Variants in LRP1B observed in about 807,000 individuals in gnomAD.
LRP1B encodes low-density lipoprotein receptor-related protein 1B.
LRP1B carries 217 observed loss-of-function variants against 556.6 expected under a neutral mutation model. That is an observed-to-expected ratio of 0.39 (90% confidence interval 0.35 to 0.44). The LOEUF (loss-of-function observed/expected upper bound fraction) is 0.44. LRP1B is among the 20% of genes least tolerant of loss of function. The pLI is 1.00. For synonymous variants in LRP1B, 2,047 were observed against 1,865.8 expected (o/e 1.10, Z -2.50); for missense variants, 5,053 against 5,620.8 (o/e 0.90, Z 3.23).
intron 1 of LRP1B, among the ~76,000 whole-genome samples, chr2:141,933,752 A>G (rs1334711929): frequency 2.0e-5 from 3 of 152,174 alleles, no homozygotes; most frequent in Non-Finnish European, 4.4e-5. Flanking sequence ...CAAGCTAACA[A>G]TTTACTTTAA....
intron 2 of LRP1B, among the ~76,000 whole-genome samples, chr2:141,624,597 C>G (rs1358700484): frequency 6.6e-6 from 1 of 152,048 alleles, no homozygotes; most frequent in Non-Finnish European, 1.5e-5. Context: ...CTATCTCTAT[C>G]TATAAATAGA....
At chr2:141,036,667 CT>C (rs1698542151) in intron 11 of LRP1B, among the ~76,000 whole-genome samples, 1 of 152,044 alleles carries the variant, frequency 6.6e-6, no homozygotes, top group African/African-American at 2.4e-5. Context: ...AAGAAACCCC[CT>C]GGTCCCACTA....
chr2:140,510,076 T>C lies in LRP1B; in HGVS notation c.8270-20A>G, dbSNP rs1025498737. 2.5e-6 allele frequency: 4 copies of C among 1,611,940 alleles called. No individual in the cohort carries two copies. The highest frequency in any genetic ancestry group is 3.4e-6 in the Non-Finnish European group (4 of 1,179,228). On this transcript the variant is annotated intron_variant, in intron 51 of 90. Coordinates refer to ENST00000389484, the MANE Select transcript of LRP1B (RefSeq NM_018557.3). ...TGGCACCTGAAACACAAAAACATAATGCCATTAAGATTACTCTGTGTCCAC... is the reference window on the plus strand; with the variant it reads ...TGGCACCTGAAACACAAAAACATAACGCCATTAAGATTACTCTGTGTCCAC...
At chr2:140,308,345 T>C (rs1684153165) in intron 83 of LRP1B, among the ~76,000 whole-genome samples, 1 of 140,190 alleles carries the variant, frequency 7.1e-6, no homozygotes, top group Admixed American at 7.0e-5. Context: ...TATTTTCCTC[T>C]ATCTACACAA....
chr2:141,681,053 A>T (rs2105429569), intron 2 of LRP1B, among the ~76,000 whole-genome samples: 1 of 152,214 alleles, frequency 6.6e-6, no homozygotes, highest in East Asian at 1.9e-4. Flanking sequence ...GCACTTTGAG[A>T]GGCTGAGGTG....
chr2:141,859,072 G>C (rs1268548024), intron 1 of LRP1B, among the ~76,000 whole-genome samples: 2 of 152,118 alleles, frequency 1.3e-5, no homozygotes, highest in African/African-American at 4.8e-5. Flanking sequence ...TGTGATTTAA[G>C]TCTTTCTTTT....
intron 57 of LRP1B, among the ~76,000 whole-genome samples, chr2:140,488,835 G>T (rs928484237): frequency 2.0e-5 from 3 of 151,956 alleles, no homozygotes; most frequent in Non-Finnish European, 2.9e-5. Context: ...AGTAGCTGTA[G>T]TCTTATGGGT....
At chr2:141,553,383 G>A (rs1685825323) in intron 2 of LRP1B, among the ~76,000 whole-genome samples, 1 of 151,662 alleles carries the variant, frequency 6.6e-6, no homozygotes, top group Non-Finnish European at 1.5e-5. Flanking sequence ...AGAAGGAAAG[G>A]AAATAAAGAG....
intron 1 of LRP1B, among the ~76,000 whole-genome samples, chr2:141,994,598 G>T (rs533617990): frequency 6.6e-6 from 1 of 152,058 alleles, no homozygotes; most frequent in Non-Finnish European, 1.5e-5. Flanking sequence ...GGAAAGGAAT[G>T]GTGAGTGCAA....
intron 1 of LRP1B, among the ~76,000 whole-genome samples, chr2:142,102,729 A>G (rs978936764): frequency 6.6e-6 from 1 of 151,964 alleles, no homozygotes; most frequent in Non-Finnish European, 1.5e-5. Flanking sequence ...ATATAAAAAA[A>G]TTGTCTCCCT....
chr2:140,878,989 CAAA>C lies in LRP1B; in HGVS notation c.4169+4825_4169+4827del, dbSNP rs3063609. Reference sequence around the variant, plus strand: ...GGGTGACAGAGCAAAACTCTGTTTCCAAAAAAAAAAAAAAAAGAAAAAGAAAAG... The same window carrying C: ...GGGTGACAGAGCAAAACTCTGTTTCCAAAAAAAAAAAAAGAAAAAGAAAAG... On this transcript the variant is annotated intron_variant, in intron 25 of 90. Transcript: ENST00000389484. Among the ~76,000 whole-genome samples the C allele has an allele frequency of 2.2e-3, 296 of 135,726 alleles. 1 individual carries two copies. Among genetic ancestry groups the C allele is most frequent in the Middle Eastern group, 7.5e-3 (2 of 266 alleles). 89.0% of individuals were successfully genotyped at this position (135,726 alleles called of 152,430 possible).
chr2:141,198,493 T>C (rs1350071101), intron 6 of LRP1B, among the ~76,000 whole-genome samples: 1 of 152,126 alleles, frequency 6.6e-6, no homozygotes, highest in Admixed American at 6.6e-5. Context: ...ATAGAACCTG[T>C]GCATGTCTTT....
At chr2:141,890,921 G>T (rs886190420) in intron 1 of LRP1B, among the ~76,000 whole-genome samples, 28 of 152,060 alleles carry the variant, frequency 1.8e-4, no homozygotes, top group African/African-American at 6.5e-4. Flanking sequence ...GATTTTCTCT[G>T]CAAGCAACCC....
intron 6 of LRP1B, among the ~76,000 whole-genome samples, chr2:141,222,162 G>T (rs150993010): frequency 6.6e-6 from 1 of 151,814 alleles, no homozygotes; most frequent in Admixed American, 6.6e-5. Flanking sequence ...TAATAAGGAA[G>T]AAAAGAGAAT....
At chr2:142,116,276 T>G (rs950721959) in intron 1 of LRP1B, among the ~76,000 whole-genome samples, 1 of 149,978 alleles carries the variant, frequency 6.7e-6, no homozygotes, top group African/African-American at 2.5e-5. Flanking sequence ...TAATAGGGTA[T>G]ATTGTCATGC....
intron 41 of LRP1B, among the ~76,000 whole-genome samples, chr2:140,668,005 C>T (rs545694193): frequency 1.4e-3 from 216 of 152,168 alleles, no homozygotes; most frequent in African/African-American, 4.8e-3. Flanking sequence ...AATCAGACTT[C>T]TTGTAGCTTA....
At chr2:140,366,252 C>T (rs1682754551) in intron 71 of LRP1B, among the ~76,000 whole-genome samples, 1 of 151,698 alleles carries the variant, frequency 6.6e-6, no homozygotes, top group South Asian at 2.1e-4. Flanking sequence ...GAAAACTCCT[C>T]AGGACCTGAT....
chr2:141,544,371 T>C lies in LRP1B; in HGVS notation c.206-63838A>G, dbSNP rs1685456109. On this transcript the variant is annotated intron_variant, in intron 2 of 90. Transcript: ENST00000389484. ...CTTCTTCTTCTTCTTCTTCTTCTTC[T>C]TCTTCTTCTTCTCCTCCTCCTCCTC... Among the ~76,000 whole-genome samples, 4 of 113,894 alleles carry C rather than the reference T, an allele frequency of 3.5e-5. No individual in the cohort carries two copies. The South Asian group carries it at 1.1e-3, about 30-fold the overall frequency. 74.7% of individuals were successfully genotyped at this position (113,894 alleles called of 152,430 possible). A position where few individuals can be genotyped will look rare whatever the true frequency, so the allele number is the denominator to read the frequency against.
At position 140,839,988 on chromosome 2, in the gene LRP1B, T is replaced by C. The variant is rs1221497831; in HGVS notation, c.5209+3A>G. On this transcript the variant is annotated splice_donor_region_variant and intron_variant, in intron 31 of 90. Coordinates refer to ENST00000389484, the MANE Select transcript of LRP1B (RefSeq NM_018557.3). ...CTTGGTGACTATTAAAAAAAATACT[T>C]ACCAACTGGCTCCTTCTGATTCTGA... 21 of 1,596,498 alleles carry C rather than the reference T, an allele frequency of 1.3e-5. No individual in the cohort carries two copies. The highest frequency in any genetic ancestry group is 1.7e-5 in the Non-Finnish European group (20 of 1,168,282).
Sources: gnomAD v4.1 joint callset for allele counts (sites outside exome capture counted in the v4.1 genomes callset) on GRCh38, gnomAD v4.1.1 for gene constraint, MANE v1.5 for transcripts, NCBI Gene and HGNC (gene_info 2026-07-23, HGNC 2026-07-21) for gene names.